The following PHEX variants were observed in gnomAD, a reference collection of about 807,000 sequenced individuals.
PHEX encodes the protein phosphate regulating endopeptidase X-linked.
Under a neutral mutation model 68.0 loss-of-function variants are expected in PHEX, and 16 were observed. The observed-to-expected ratio is 0.24, with a 90% confidence interval of 0.16 to 0.36. The LOEUF is 0.36. Ranked by LOEUF, PHEX falls within the 10% of genes least tolerant of loss-of-function variation. The pLI, the probability that PHEX is intolerant of heterozygous loss-of-function variation, is 1.00. For missense variants in PHEX, 480 were observed against 575.5 expected, an observed-to-expected ratio of 0.83 and a Z score of 1.70; for synonymous variants, 208 against 205.1, an observed-to-expected ratio of 1.01 and a Z score of -0.12.
rs1426926983 is a variant in PHEX, at chrX:22,233,400, G to A, written c.2070+5789G>A. Among the ~76,000 whole-genome samples, 3 of 111,666 alleles carry A rather than the reference G, an allele frequency of 2.7e-5. No individual in the cohort carries two copies. The East Asian group carries it at 8.5e-4, about 32-fold the overall frequency. ...GTTCTCCTGGATAATATCCTGAAGA[G>A]TGTTTTCCAACTTGGTTCCATTCTC... On this transcript the variant is annotated intron_variant, in intron 20 of 21. Coordinates refer to ENST00000379374, the MANE Select transcript of PHEX (RefSeq NM_000444.6).
At chrX:22,211,090 G>A (rs894511587) in intron 15 of PHEX, among the ~76,000 whole-genome samples, 6 of 111,801 alleles carry the variant, frequency 5.4e-5, no homozygotes, top group African/African-American at 1.6e-4. Context: ...ATGATTCTTT[G>A]CTCTATCAGC....
intron 3 of PHEX, among the ~76,000 whole-genome samples, chrX:22,075,870 ACTT>A (rs1257946622): frequency 1.8e-5 from 2 of 111,605 alleles, no homozygotes; most frequent in Admixed American, 9.5e-5. Flanking sequence ...TGTCTAAAGA[ACTT>A]CTTCCATGTC....
intron 20 of PHEX, among the ~76,000 whole-genome samples, chrX:22,238,769 C>T (rs997318457): frequency 1.8e-5 from 2 of 111,835 alleles, no homozygotes; most frequent in Non-Finnish European, 3.8e-5. Context: ...ATAGGTAAAA[C>T]CCCCATCTCC....
At chrX:22,107,296 T>C (rs965585359) in intron 9 of PHEX, among the ~76,000 whole-genome samples, 8 of 112,025 alleles carry the variant, frequency 7.1e-5, no homozygotes, top group East Asian at 2.8e-4. Context: ...ACAACTTCCC[T>C]AGTTATTCTG....
chrX:22,166,819 C>T (rs954322063), intron 12 of PHEX, among the ~76,000 whole-genome samples: 3 of 111,316 alleles, frequency 2.7e-5, no homozygotes, highest in East Asian at 2.8e-4. Context: ...TCCTACTGTA[C>T]TCTGTTATGA....
chrX:22,188,499 C>T (rs1188007566), intron 14 of PHEX, among the ~76,000 whole-genome samples: 2 of 112,797 alleles, frequency 1.8e-5, no homozygotes, highest in Non-Finnish European at 3.7e-5. Context: ...TCACCTGCTG[C>T]CTGTTTTTGT....
At chrX:22,240,179 C>G (rs1031152993) in intron 20 of PHEX, among the ~76,000 whole-genome samples, 4 of 112,186 alleles carry the variant, frequency 3.6e-5, no homozygotes, top group Non-Finnish European at 1.9e-5. Context: ...CCTTTACAGA[C>G]AAGCAAAGGC....
At chrX:22,204,626 G>A (rs1934655735) in intron 15 of PHEX, among the ~76,000 whole-genome samples, 1 of 111,795 alleles carries the variant, frequency 8.9e-6, no homozygotes, top group African/African-American at 3.3e-5. Flanking sequence ...CAGTGGTTAT[G>A]CATAGAAATT....
intron 12 of PHEX, among the ~76,000 whole-genome samples, chrX:22,160,544 C>T (rs988543131): frequency 9.2e-5 from 7 of 75,780 alleles, no homozygotes; most frequent in African/African-American, 2.0e-4. Flanking sequence ...AGTGAAACTC[C>T]GTCTCAAAAA....
At chrX:22,035,618 G>T (rs904881751) in intron 1 of PHEX, among the ~76,000 whole-genome samples, 1 of 111,325 alleles carries the variant, frequency 9.0e-6, no homozygotes, top group Admixed American at 9.6e-5. Flanking sequence ...TAGCTCATGG[G>T]CTGTACAGAA....
intron 1 of PHEX, among the ~76,000 whole-genome samples, chrX:22,037,268 G>A (rs926561004): frequency 2.7e-5 from 3 of 110,546 alleles, no homozygotes; most frequent in Admixed American, 9.7e-5. Flanking sequence ...ATAAAAACTC[G>A]CCACACTGGG....
intron 6 of PHEX, among the ~76,000 whole-genome samples, 192 bp downstream of exon 6, chrX:22,090,689 G>A (rs1304230901): frequency 1.8e-5 from 2 of 112,143 alleles, no homozygotes; most frequent in Admixed American, 1.9e-4. Flanking sequence ...CATCAAGGCT[G>A]TACAAGTCTC....
At position 22,190,480 on chromosome X, in the gene PHEX, C is replaced by T. The variant is rs1934164308; in HGVS notation, c.1623C>T (p.Tyr541=). Reference sequence around the variant, plus strand: ...ATCCGACGACTGTCAATGCCTTCTACAGTGCATCCACCAACCAGATCCGTG... The same window carrying T: ...ATCCGACGACTGTCAATGCCTTCTATAGTGCATCCACCAACCAGATCCGTG... ...FTNPTTVNAF[Y]SASTNQIRFP... The change falls in exon 15 of 22, where the codon TAC becomes TAT. Residue 541 remains tyrosine, a synonymous_variant. Transcript: ENST00000379374. The T allele has an allele frequency of 8.4e-7, 1 of 1,194,818 alleles. No homozygotes were observed. Among genetic ancestry groups the T allele is most frequent in the African/African-American group, 1.8e-5 (1 of 57,004 alleles).
Position 22,079,252 on chromosome X carries a change from A to G in PHEX, c.663+1550A>G, listed in dbSNP as rs1929284336. On this transcript the variant is annotated intron_variant, in intron 5 of 21. Transcript: ENST00000379374. ...ATCTTTCTCACCTATTTCTGGATCT[A>G]TTCAATTGAATTTATTGCTTTAAAC... 2.7e-5 allele frequency among the ~76,000 whole-genome samples: 3 copies of G among 111,841 alleles called. No homozygotes were observed. In the South Asian group the frequency reaches 1.1e-3, roughly 41 times the overall value.
rs926409933 is a variant in PHEX at position 22,125,340 on chromosome X, G to T, written c.1303-8183G>T. On this transcript the variant is annotated intron_variant, in intron 11 of 21. Coordinates refer to ENST00000379374, the MANE Select transcript of PHEX (RefSeq NM_000444.6). ...AGACTGGAAACATTTTAATCTCATG[G>T]TTTTTTTCCAGATATTATAACTTCT... Among the ~76,000 whole-genome samples, 162 of 111,495 alleles carry T rather than the reference G, an allele frequency of 1.5e-3. 1 individual carries two copies. The highest frequency in any genetic ancestry group is 4.8e-3 in the African/African-American group (147 of 30,795).
At chrX:22,159,601 T>A (rs1933052031) in intron 12 of PHEX, among the ~76,000 whole-genome samples, 1 of 112,437 alleles carries the variant, frequency 8.9e-6, no homozygotes, top group South Asian at 3.7e-4. Flanking sequence ...AGATTCAAAT[T>A]TCAGTGTCTA....
intron 2 of PHEX, among the ~76,000 whole-genome samples, chrX:22,043,093 C>T (rs1927359216): frequency 8.9e-6 from 1 of 112,791 alleles, no homozygotes; most frequent in Non-Finnish European, 1.9e-5. Context: ...TGAAGTATTA[C>T]ATGATCTGTG....
chrX:22,105,292 G>C (rs201204663), intron 9 of PHEX, among the ~76,000 whole-genome samples: 25 of 112,612 alleles, frequency 2.2e-4, no homozygotes, highest in Middle Eastern at 4.6e-3. Context: ...TCCTAGTTGA[G>C]CTGTGTGTGC....
chrX:22,105,795 G>A (rs4824174), intron 9 of PHEX, among the ~76,000 whole-genome samples: 35,604 of 111,115 alleles, frequency 0.32, 5,195 homozygotes, highest in African/African-American at 0.58. Context: ...TCTTAAATGT[G>A]ATACAAATGT....
Sources: gnomAD v4.1 joint callset for allele counts (sites outside exome capture counted in the v4.1 genomes callset) on GRCh38, gnomAD v4.1.1 for gene constraint, MANE v1.5 for transcripts, NCBI Gene and HGNC (gene_info 2026-07-23, HGNC 2026-07-21) for gene names.